CNTN4: variants seen among roughly 807,000 people sequenced by gnomAD.
The protein encoded by CNTN4 is contactin-4.
In CNTN4, 77 loss-of-function variants were observed where a neutral mutation model predicts 122.5. The ratio of observed to expected loss-of-function variants is 0.63; its 90% confidence interval spans 0.52 to 0.76. The LOEUF is 0.76. Among genes scored for constraint, CNTN4 ranks in the 30% least tolerant of loss-of-function variants. CNTN4 has a pLI of 0.00. For missense variants in CNTN4, 1,256 were observed against 1,259.1 expected, an observed-to-expected ratio of 1.00 and a Z score of 0.04; for synonymous variants, 512 against 447.0, an observed-to-expected ratio of 1.15 and a Z score of -1.83.
chr3:2,882,189 C>A (rs566716332), intron 8 of CNTN4, among the ~76,000 whole-genome samples: 1 of 151,878 alleles, frequency 6.6e-6, no homozygotes, highest in African/African-American at 2.4e-5. Context: ...ATGGTGAAAC[C>A]CCGTCTCCAC....
intron 9 of CNTN4, 53 bp downstream of exon 9, chr3:2,883,300 A>G (rs951828779): frequency 3.6e-6 from 5 of 1,373,398 alleles, no homozygotes; most frequent in Non-Finnish European, 5.1e-6. Context: ...GAGCAGGTAT[A>G]GAGTTTTTCT....
intron 3 of CNTN4, among the ~76,000 whole-genome samples, chr3:2,391,568 A>T (rs980519954): frequency 2.0e-5 from 3 of 152,182 alleles, no homozygotes; most frequent in Non-Finnish European, 2.9e-5. Context: ...CCCACACAAT[A>T]TGAGTGAACT....
chr3:2,929,824 T>G (rs1403874189), intron 13 of CNTN4, among the ~76,000 whole-genome samples: 3 of 152,176 alleles, frequency 2.0e-5, no homozygotes, highest in African/African-American at 7.2e-5. Context: ...CCACATGGAC[T>G]GAGAATGGGA....
intron 7 of CNTN4, among the ~76,000 whole-genome samples, chr3:2,845,532 T>C (rs557415950): frequency 1.3e-5 from 2 of 152,322 alleles, no homozygotes; most frequent in Non-Finnish European, 2.9e-5. Flanking sequence ...TACTTTATGG[T>C]TTCCCACTTC....
chr3:2,931,236 A>T (rs2094517572), intron 13 of CNTN4, among the ~76,000 whole-genome samples: 1 of 152,210 alleles, frequency 6.6e-6, no homozygotes, highest in Non-Finnish European at 1.5e-5. Flanking sequence ...TGATATACGG[A>T]CTATTAAAGG....
chr3:2,152,188 C>T (rs1479352597), intron 2 of CNTN4, among the ~76,000 whole-genome samples: 2 of 152,058 alleles, frequency 1.3e-5, no homozygotes, highest in South Asian at 2.1e-4. Context: ...TTACCAGGCA[C>T]AGGTAATAGC....
chr3:2,158,464 T>C (rs1397855442), intron 2 of CNTN4, among the ~76,000 whole-genome samples: 1 of 152,224 alleles, frequency 6.6e-6, no homozygotes, highest in Non-Finnish European at 1.5e-5. Context: ...ATTCAGCTGC[T>C]GCAATAAAGA....
chr3:2,874,713 A>T (rs2093824114), intron 8 of CNTN4, among the ~76,000 whole-genome samples: 1 of 152,160 alleles, frequency 6.6e-6, no homozygotes, highest in Admixed American at 6.5e-5. Flanking sequence ...GTAGAATCAC[A>T]GCTTAAGGGT....
intron 3 of CNTN4, among the ~76,000 whole-genome samples, chr3:2,481,281 C>A (rs995190230): frequency 6.6e-6 from 1 of 151,914 alleles, no homozygotes; most frequent in Non-Finnish European, 1.5e-5. Flanking sequence ...GCTAGGATTA[C>A]AGGTGCACGC....
At chr3:2,114,604 A>T (rs2033211550) in intron 2 of CNTN4, among the ~76,000 whole-genome samples, 3 of 152,200 alleles carry the variant, frequency 2.0e-5, no homozygotes, top group African/African-American at 2.4e-5. Flanking sequence ...GCCTTCATTT[A>T]CACAGTTTCA....
At chr3:2,597,541 T>G (rs1244869172) in intron 4 of CNTN4, among the ~76,000 whole-genome samples, 1 of 152,164 alleles carries the variant, frequency 6.6e-6, no homozygotes, top group African/African-American at 2.4e-5. Flanking sequence ...AGCAACATGA[T>G]GCATCTGGTG....
At chr3:2,846,734 T>C (rs1577037346) in intron 7 of CNTN4, among the ~76,000 whole-genome samples, 1 of 152,288 alleles carries the variant, frequency 6.6e-6, no homozygotes, top group Non-Finnish European at 1.5e-5. Flanking sequence ...TTATGCCAGT[T>C]TTACTTAGAG....
intron 3 of CNTN4, among the ~76,000 whole-genome samples, chr3:2,534,285 A>C (rs2077712301): frequency 1.3e-5 from 2 of 152,266 alleles, no homozygotes; most frequent in South Asian, 2.1e-4. Flanking sequence ...TTTTTGTATA[A>C]GTTGTAAGGA....
intron 4 of CNTN4, among the ~76,000 whole-genome samples, chr3:2,613,218 A>G (rs926178316): frequency 6.6e-6 from 1 of 152,114 alleles, no homozygotes; most frequent in Middle Eastern, 3.2e-3. Context: ...ATGTATTTCC[A>G]TGTATTTTAT....
intron 6 of CNTN4, among the ~76,000 whole-genome samples, chr3:2,780,120 C>G (rs776897103): frequency 1.2e-4 from 18 of 152,170 alleles, no homozygotes; most frequent in Non-Finnish European, 2.5e-4. Flanking sequence ...TACTCTGACC[C>G]AACAGATGTT....
chr3:2,947,292 C>G (rs1270907706), intron 13 of CNTN4, among the ~76,000 whole-genome samples: 2 of 152,158 alleles, frequency 1.3e-5, no homozygotes, highest in African/African-American at 4.8e-5. Flanking sequence ...CTCTTATGCC[C>G]CATAACAAAT....
At chr3:2,460,101 A>C (rs1024543844) in intron 3 of CNTN4, among the ~76,000 whole-genome samples, 5 of 152,056 alleles carry the variant, frequency 3.3e-5, no homozygotes, top group Admixed American at 6.6e-5. Context: ...TCTCTAATAT[A>C]GCAGGTGTAG....
At chr3:2,280,026 T>TATA (rs2149887636) in intron 2 of CNTN4, among the ~76,000 whole-genome samples, 1 of 147,828 alleles carries the variant, frequency 6.8e-6, no homozygotes, top group East Asian at 1.9e-4. Flanking sequence ...TATATATCTA[T>TATA]ATAGTATGTT....
rs535968184 is a variant in CNTN4 at position 2,259,086 on chromosome 3, A to AT, written c.-144-80081dup. Among the ~76,000 whole-genome samples, 598 of 147,416 alleles carry AT rather than the reference A, an allele frequency of 4.1e-3. 3 individuals are homozygous for AT. Among genetic ancestry groups the AT allele is most frequent in the South Asian group, 0.012 (56 of 4,642 alleles). ...TGCTCTAGTAGTTGGTTATTTAGTG[A>AT]TTTTTTTTTTTGGCTCTGTAAATTT... On this transcript the variant is annotated intron_variant, in intron 2 of 24. Transcript: ENST00000418658.
Sources: allele counts gnomAD v4.1 joint callset (sites outside exome capture counted in the v4.1 genomes callset), GRCh38; gene constraint gnomAD v4.1.1; transcripts MANE v1.5; gene names NCBI Gene and HGNC (gene_info 2026-07-23, HGNC 2026-07-21).